The following RYR3 variants were observed in gnomAD, a reference collection of about 807,000 sequenced individuals.
RYR3 encodes ryanodine receptor 3.
Under a neutral mutation model 584.3 loss-of-function variants are expected in RYR3, and 207 were observed. The observed-to-expected ratio is 0.35, with a 90% CI of 0.32 to 0.40. The LOEUF is 0.40. Among genes scored for constraint, RYR3 ranks in the 10% least tolerant of loss-of-function variants. The probability of loss-of-function intolerance (pLI) is 1.00; values close to 1 mark genes in which losing one functional copy is unlikely to be tolerated. For synonymous variants in RYR3, 2,416 were observed against 2,248.5 expected (o/e 1.07, Z -2.11); for missense variants, 5,616 against 6,089.2 (o/e 0.92, Z 2.59).
rs747878561 is a variant in RYR3 at position 33,649,182 on chromosome 15, A to G, written c.4089A>G (p.Lys1363=). The G allele has an allele frequency of 3.7e-6, 6 of 1,613,780 alleles. No individual in the cohort carries two copies. The highest frequency in any genetic ancestry group is 5.1e-6 in the Non-Finnish European group (6 of 1,179,842). The change falls in exon 31 of 104, where the codon AAA becomes AAG. Residue 1363 remains lysine (K), a synonymous_variant. Coordinates refer to ENST00000634891, the MANE Select transcript of RYR3 (RefSeq NM_001036.6). ...HLYSEKFDLN[K]NCTVTVTLGD... is the part of the protein sequence containing the mutation. ...ACAGTGAAAAGTTTGACCTGAATAA[A>G]AACTGCACAGTGACTGTCACCCTAG...
intron 2 of RYR3, among the ~76,000 whole-genome samples, chr15:33,492,753 C>G (rs1217590590): frequency 1.3e-5 from 2 of 152,068 alleles, no homozygotes; most frequent in African/African-American, 4.8e-5. Context: ...GGAGACAGCC[C>G]CACCTCTGGC....
At chr15:33,360,883 C>G (rs1419973074) in intron 1 of RYR3, among the ~76,000 whole-genome samples, 1 of 152,246 alleles carries the variant, frequency 6.6e-6, no homozygotes, top group African/African-American at 2.4e-5. Context: ...CTCCTGGAGA[C>G]AGGACAGTAG....
At chr15:33,616,824 C>A (rs2060475367) in intron 19 of RYR3, among the ~76,000 whole-genome samples, 1 of 152,178 alleles carries the variant, frequency 6.6e-6, no homozygotes, top group Admixed American at 6.5e-5. Context: ...GAGGTGGAAC[C>A]ACAGGGTCTG....
chr15:33,415,347 G>A (rs1042177418), intron 1 of RYR3, among the ~76,000 whole-genome samples: 2 of 152,072 alleles, frequency 1.3e-5, no homozygotes, highest in Non-Finnish European at 2.9e-5. Flanking sequence ...TGTGTATACA[G>A]CTGTAAAAAT....
chr15:33,773,443 A>G, intron 63 of RYR3, 91 bp from the exon 64 acceptor site: 2 of 849,972 alleles, frequency 2.4e-6, no homozygotes, highest in East Asian at 2.6e-5. Flanking sequence ...TTTACTCTTT[A>G]CTGATGCTCA....
intron 1 of RYR3, among the ~76,000 whole-genome samples, chr15:33,459,599 T>A (rs765710206): frequency 2.6e-5 from 4 of 152,162 alleles, no homozygotes; most frequent in Non-Finnish European, 5.9e-5. Context: ...AGGGCCAAGA[T>A]GCTGGAGACC....
intron 38 of RYR3, among the ~76,000 whole-genome samples, chr15:33,684,361 G>A (rs750502737): frequency 2.0e-5 from 3 of 152,212 alleles, no homozygotes; most frequent in Non-Finnish European, 4.4e-5. Context: ...AGAGTCTGGA[G>A]TGAACCTCTA....
chr15:33,748,367 G>A, intron 54 of RYR3, 101 bp from the exon 55 acceptor site: 2 of 1,532,242 alleles, frequency 1.3e-6, no homozygotes, highest in Admixed American at 1.8e-5. Flanking sequence ...GATGAACCCT[G>A]GGGAGTTTTC....
intron 69 of RYR3, among the ~76,000 whole-genome samples, chr15:33,804,318 T>A (rs559177568): frequency 6.6e-6 from 1 of 152,352 alleles, no homozygotes; most frequent in South Asian, 2.1e-4. Flanking sequence ...GTTGCCATGG[T>A]CCTCAGGGTA....
intron 67 of RYR3, among the ~76,000 whole-genome samples, chr15:33,800,271 AG>A (rs1054300294): frequency 6.6e-6 from 1 of 152,196 alleles, no homozygotes; most frequent in Non-Finnish European, 1.5e-5. Flanking sequence ...CTGGCTTTAA[AG>A]GAAAAGGGGT....
At chr15:33,522,627 A>G (rs1424453540) in intron 3 of RYR3, among the ~76,000 whole-genome samples, 3 of 152,204 alleles carry the variant, frequency 2.0e-5, no homozygotes, top group Admixed American at 2.0e-4. Context: ...CAGGAGAAGG[A>G]GGGTTTGGCA....
At chr15:33,806,920 A>T (rs1459010748) in intron 69 of RYR3, among the ~76,000 whole-genome samples, 2 of 141,430 alleles carry the variant, frequency 1.4e-5, no homozygotes, top group Admixed American at 7.1e-5. Context: ...ACCCAGCTGA[A>T]TTTTTTTTTT....
chr15:33,651,709 A>C (rs17236392), intron 31 of RYR3, among the ~76,000 whole-genome samples: 28,405 of 152,152 alleles, frequency 0.19, 3,276 homozygotes, highest in Admixed American at 0.24. Flanking sequence ...CATGCTGAGG[A>C]CCACAACAGG....
rs571126519 is a variant in RYR3, at chr15:33,653,418, T to C, written c.4308+535T>C. On this transcript the variant is annotated intron_variant, in intron 32 of 103. Coordinates refer to ENST00000634891, the MANE Select transcript of RYR3 (RefSeq NM_001036.6). ...CAGGCGCAGTGGCTCATGCCTGTAA[T>C]CCCAGCACTTTGGGAGGCCGAGGCG... Among the ~76,000 whole-genome samples the C allele has an allele frequency of 2.6e-3, 390 of 152,284 alleles. 4 individuals are homozygous for C. Among genetic ancestry groups the C allele is most frequent in the African/African-American group, 8.5e-3 (352 of 41,566 alleles).
In RYR3 at chr15:33,812,858, T is replaced by C; in HGVS notation, c.10258-5T>C. ...CTCATCTTATGAGTATGCTTCAATTTTCAGTCTGATGACCCAGCTGTAAAA... is the reference window on the plus strand; with the variant it reads ...CTCATCTTATGAGTATGCTTCAATTCTCAGTCTGATGACCCAGCTGTAAAA... On this transcript the variant is annotated splice_polypyrimidine_tract_variant and splice_region_variant and intron_variant, in intron 72 of 103. Transcript: ENST00000634891. The C allele has an allele frequency of 6.2e-7, 1 of 1,613,598 alleles. No individual in the cohort carries two copies. The highest frequency in any genetic ancestry group is 8.5e-7 in the Non-Finnish European group (1 of 1,179,604).
chr15:33,411,256 G>A (rs950382767), intron 1 of RYR3, among the ~76,000 whole-genome samples: 1 of 152,144 alleles, frequency 6.6e-6, no homozygotes, highest in Non-Finnish European at 1.5e-5. Flanking sequence ...AAAGTTAGGA[G>A]TATTCACACT....
chr15:33,636,049 T>C (rs1290199310), intron 26 of RYR3, among the ~76,000 whole-genome samples: 2 of 152,152 alleles, frequency 1.3e-5, no homozygotes, highest in African/African-American at 2.4e-5. Context: ...TCATATCTAC[T>C]TTTGCACCCA....
intron 12 of RYR3, 25 bp from the exon 13 acceptor site, chr15:33,579,951 A>C: frequency 6.3e-7 from 1 of 1,594,344 alleles, no homozygotes. Context: ...CAGTGCCTAA[A>C]CCATGTCAAT....
intron 11 of RYR3, among the ~76,000 whole-genome samples, chr15:33,565,567 T>C (rs1178501393): frequency 6.6e-6 from 1 of 152,182 alleles, no homozygotes; most frequent in African/African-American, 2.4e-5. Flanking sequence ...CAATCTTTAT[T>C]CTATAGATAT....
Sources: allele counts gnomAD v4.1 joint callset (sites outside exome capture counted in the v4.1 genomes callset), GRCh38; gene constraint gnomAD v4.1.1; transcripts MANE v1.5; gene names NCBI Gene and HGNC (gene_info 2026-07-23, HGNC 2026-07-21).